Variants in CSGALNACT1 observed in about 807,000 individuals in gnomAD.
The protein encoded by CSGALNACT1 is beta4GalNAcT-1.
Under a neutral mutation model 51.0 loss-of-function variants are expected in CSGALNACT1, and 52 were observed. The observed-to-expected ratio is 1.02, with a 90% CI of 0.82 to 1.29. CSGALNACT1 has a LOEUF of 1.29. CSGALNACT1 is among the 50% of genes most tolerant of loss of function. CSGALNACT1 has a pLI of 0.00. For synonymous variants in CSGALNACT1, 341 were observed against 254.4 expected, an observed-to-expected ratio of 1.34 and a Z score of -3.24; for missense variants, 935 against 679.2, an observed-to-expected ratio of 1.38 and a Z score of -4.19.
At chr8:19,703,758 C>T (rs746673797) in intron 1 of CSGALNACT1, among the ~76,000 whole-genome samples, 14 of 152,194 alleles carry the variant, frequency 9.2e-5, no homozygotes, top group Non-Finnish European at 1.9e-4. Context: ...ACAAAGTTAT[C>T]AGATTCATTC....
intron 1 of CSGALNACT1, among the ~76,000 whole-genome samples, chr8:19,709,713 G>A (rs948966801): frequency 6.6e-6 from 1 of 152,210 alleles, no homozygotes; most frequent in African/African-American, 2.4e-5. Context: ...GCACTATGGA[G>A]GTTTGAGCCT....
At position 19,467,874 on chromosome 8, in the gene CSGALNACT1, T is replaced by C. The variant is rs113499173; in HGVS notation, c.635-9232A>G. Among the ~76,000 whole-genome samples the C allele has an allele frequency of 9.4e-4, 143 of 152,230 alleles. 3 individuals carry two copies. The highest frequency in any genetic ancestry group is 3.3e-3 in the African/African-American group (137 of 41,538). Reference sequence around the variant, plus strand: ...GGTTGTATGCCCCTGTAGTCCCAGATAGTCAGGAGGCTGAGGTAGGAGGAT... The same window carrying C: ...GGTTGTATGCCCCTGTAGTCCCAGACAGTCAGGAGGCTGAGGTAGGAGGAT... On this transcript the variant is annotated intron_variant, in intron 4 of 9. Transcript: ENST00000454498.
intron 3 of CSGALNACT1, among the ~76,000 whole-genome samples, chr8:19,538,656 G>T (rs939030925): frequency 6.6e-6 from 1 of 152,150 alleles, no homozygotes; most frequent in Admixed American, 6.5e-5. Flanking sequence ...GAGACCGGGG[G>T]AGGTACAGGC....
chr8:19,597,423 T>C (rs7822087), intron 2 of CSGALNACT1, among the ~76,000 whole-genome samples: 1,593 of 151,340 alleles, frequency 0.011, 32 homozygotes, highest in African/African-American at 0.036. Context: ...TGCTCCCAAG[T>C]AGCTGGGACT....
intron 4 of CSGALNACT1, among the ~76,000 whole-genome samples, chr8:19,492,048 C>T (rs2153965247): frequency 6.6e-6 from 1 of 152,342 alleles, no homozygotes; most frequent in East Asian, 1.9e-4. Context: ...TAAGTAGGTT[C>T]AGCCATGAAC....
At chr8:19,725,906 C>T (rs1460698807) in intron 1 of CSGALNACT1, among the ~76,000 whole-genome samples, 1 of 152,164 alleles carries the variant, frequency 6.6e-6, no homozygotes, top group Non-Finnish European at 1.5e-5. Flanking sequence ...ACATCATTAT[C>T]ACCCAAAGTC....
intron 1 of CSGALNACT1, among the ~76,000 whole-genome samples, chr8:19,634,296 C>A (rs531561477): frequency 1.3e-5 from 2 of 152,128 alleles, no homozygotes; most frequent in Admixed American, 6.5e-5. Context: ...GAAAATGGGG[C>A]CTTTGGCAGG....
chr8:19,501,221 T>C (rs1002398127), intron 4 of CSGALNACT1, among the ~76,000 whole-genome samples: 1 of 129,384 alleles, frequency 7.7e-6, no homozygotes, highest in African/African-American at 3.0e-5. Context: ...GCCTGCAGCC[T>C]GTGTGACAAA....
chr8:19,458,970 A>C (rs1396015599), intron 4 of CSGALNACT1, among the ~76,000 whole-genome samples: 1 of 152,222 alleles, frequency 6.6e-6, no homozygotes, highest in African/African-American at 2.4e-5. Context: ...TATGATATAG[A>C]GTGGGATTAT....
At chr8:19,726,972 G>GTTACT (rs1189163037) in intron 1 of CSGALNACT1, among the ~76,000 whole-genome samples, 1 of 152,176 alleles carries the variant, frequency 6.6e-6, no homozygotes, top group Non-Finnish European at 1.5e-5. Context: ...CTCATACAGA[G>GTTACT]TTACTAGTCA....
Position 19,601,734 on chromosome 8 carries a change from G to A in CSGALNACT1, c.-416+37C>T, listed in dbSNP as rs1474132347. The A allele has an allele frequency of 1.4e-5, 6 of 443,606 alleles. No homozygotes were observed. The Admixed American group carries it at 1.5e-4, about 11-fold the overall frequency. The allele number at this position is 443,606 out of a possible 1,614,324, so 27.5% of individuals were successfully genotyped here. A position where few individuals can be genotyped will look rare whatever the true frequency, so the allele number is the denominator to read the frequency against. Reference sequence around the variant, plus strand: ...GAATATTGAACACAAAGCAGACCATGCAAAGGTTTGTTTCTTGAGTGAAAA... The same window carrying A: ...GAATATTGAACACAAAGCAGACCATACAAAGGTTTGTTTCTTGAGTGAAAA... On this transcript the variant is annotated intron_variant, in intron 2 of 9. Coordinates refer to ENST00000454498, the Ensembl canonical transcript of CSGALNACT1.
At chr8:19,478,524 G>T (rs989925783) in intron 4 of CSGALNACT1, among the ~76,000 whole-genome samples, 4 of 150,720 alleles carry the variant, frequency 2.7e-5, no homozygotes, top group South Asian at 2.1e-4. Context: ...ACTAACTAAC[G>T]TACAGCCCAG....
At chr8:19,637,289 C>T (rs2056199898) in intron 1 of CSGALNACT1, among the ~76,000 whole-genome samples, 1 of 152,280 alleles carries the variant, frequency 6.6e-6, no homozygotes, top group African/African-American at 2.4e-5. Context: ...GGGAATCAAA[C>T]CACCCCCTTC....
At chr8:19,579,941 AGGAG>A (rs1281122532) in intron 3 of CSGALNACT1, among the ~76,000 whole-genome samples, 1 of 152,214 alleles carries the variant, frequency 6.6e-6, no homozygotes, top group East Asian at 1.9e-4. Flanking sequence ...AGAAAGGAGG[AGGAG>A]GAAGAGGAGG....
rs2074203711 is a variant in CSGALNACT1 at position 19,490,795 on chromosome 8, T to TA, written c.634+14405dup. On this transcript the variant is annotated intron_variant, in intron 4 of 9. Transcript: ENST00000454498. ...CCTGCTCCAGCCTTGGTATTTAGGG[T>TA]AAAGACTGATTGAGACCTAGAAGTT... Among the ~76,000 whole-genome samples, 5 of 152,278 alleles carry TA rather than the reference T, an allele frequency of 3.3e-5. No homozygotes were observed. In the South Asian group the frequency reaches 1.0e-3, roughly 32 times the overall value.
chr8:19,610,103 C>A (rs894963761), intron 1 of CSGALNACT1, among the ~76,000 whole-genome samples: 1 of 150,710 alleles, frequency 6.6e-6, no homozygotes, highest in Non-Finnish European at 1.5e-5. Context: ...GTGCCTGTAA[C>A]CCCAGCTAAA....
chr8:19,596,790 T>C (rs999862065), intron 2 of CSGALNACT1, among the ~76,000 whole-genome samples: 3 of 152,240 alleles, frequency 2.0e-5, no homozygotes, highest in African/African-American at 4.8e-5. Context: ...ATAATCATTA[T>C]AAAAATAGAC....
chr8:19,442,886 T>G (rs2061547178), intron 5 of CSGALNACT1, among the ~76,000 whole-genome samples: 1 of 151,972 alleles, frequency 6.6e-6, no homozygotes, highest in Admixed American at 6.6e-5. Flanking sequence ...GACTCTAGAG[T>G]GCCTTGGAAG....
At chr8:19,430,703 T>G (rs1429474021) in intron 6 of CSGALNACT1, among the ~76,000 whole-genome samples, 1 of 152,190 alleles carries the variant, frequency 6.6e-6, no homozygotes, top group Non-Finnish European at 1.5e-5. Context: ...CACGTGAGTT[T>G]TAGAATCAGC....
Sources: gnomAD v4.1 joint callset for allele counts (sites outside exome capture counted in the v4.1 genomes callset) on GRCh38, gnomAD v4.1.1 for gene constraint, MANE v1.5 for transcripts, NCBI Gene and HGNC (gene_info 2026-07-23, HGNC 2026-07-21) for gene names.